The following SGMS1 variants were observed in gnomAD, a reference collection of about 807,000 sequenced individuals.
SGMS1 encodes phosphatidylcholine:ceramide cholinephosphotransferase 1.
SGMS1 carries 13 observed loss-of-function variants against 46.2 expected under a neutral mutation model. The observed-to-expected ratio is 0.28, with a 90% CI of 0.18 to 0.45. SGMS1 has a LOEUF of 0.45. SGMS1 is among the 20% of genes least tolerant of loss of function. SGMS1 has a pLI of 1.00. For missense variants in SGMS1, 324 were observed against 519.9 expected, an observed-to-expected ratio of 0.62 and a Z score of 3.66; for synonymous variants, 203 against 187.8, an observed-to-expected ratio of 1.08 and a Z score of -0.66.
At chr10:50,594,582 A>C (rs1588887193) in intron 1 of SGMS1, among the ~76,000 whole-genome samples, 1 of 152,338 alleles carries the variant, frequency 6.6e-6, no homozygotes, top group Non-Finnish European at 1.5e-5. Flanking sequence ...GTAATTCTAC[A>C]AAAAATTCTC....
At chr10:50,373,768 C>T (rs1848479999) in intron 6 of SGMS1, among the ~76,000 whole-genome samples, 1 of 152,184 alleles carries the variant, frequency 6.6e-6, no homozygotes, top group African/African-American at 2.4e-5. Flanking sequence ...AATCTAGCAC[C>T]TAGAAATACC....
intron 6 of SGMS1, among the ~76,000 whole-genome samples, chr10:50,372,180 A>G (rs1206626492): frequency 6.6e-6 from 1 of 152,214 alleles, no homozygotes; most frequent in African/African-American, 2.4e-5. Flanking sequence ...CAATATAAAT[A>G]CGTTTCATGA....
chr10:50,539,302 C>T (rs925426034), intron 2 of SGMS1, among the ~76,000 whole-genome samples: 21 of 152,248 alleles, frequency 1.4e-4, no homozygotes, highest in South Asian at 2.1e-4. Flanking sequence ...AGGAACAATG[C>T]CCCTTGTTGA....
intron 2 of SGMS1, among the ~76,000 whole-genome samples, chr10:50,546,578 T>C (rs1032742175): frequency 6.6e-6 from 1 of 152,170 alleles, no homozygotes. Flanking sequence ...TGTAGGGACA[T>C]GGATGAAGCT....
chr10:50,613,908 T>A (rs1019551201), intron 1 of SGMS1, among the ~76,000 whole-genome samples: 2 of 152,196 alleles, frequency 1.3e-5, no homozygotes, highest in African/African-American at 2.4e-5. Flanking sequence ...TTGGTACACA[T>A]TGTAGCTATG....
intron 1 of SGMS1, among the ~76,000 whole-genome samples, chr10:50,623,313 G>T (rs1189390027): frequency 6.6e-6 from 1 of 152,148 alleles, no homozygotes; most frequent in South Asian, 2.1e-4. Flanking sequence ...GACCCCGGGC[G>T]GGCTACTGCC....
chr10:50,615,893 T>C (rs1838792125), intron 1 of SGMS1, among the ~76,000 whole-genome samples: 1 of 152,208 alleles, frequency 6.6e-6, no homozygotes, highest in African/African-American at 2.4e-5. Flanking sequence ...AGTTCTCTAA[T>C]TGTTTCTTGC....
chr10:50,334,257 G>A (rs751073791), intron 7 of SGMS1, among the ~76,000 whole-genome samples: 27 of 152,158 alleles, frequency 1.8e-4, no homozygotes, highest in African/African-American at 5.8e-4. Context: ...GTAGACAAAA[G>A]GTGTTAGATT....
At chr10:50,485,818 T>G (rs1199305700) in intron 3 of SGMS1, among the ~76,000 whole-genome samples, 1 of 152,096 alleles carries the variant, frequency 6.6e-6, no homozygotes, top group African/African-American at 2.4e-5. Flanking sequence ...GAGAATCACT[T>G]GAGCCCAGGA....
chr10:50,532,373 T>C (rs1423598220), intron 2 of SGMS1, among the ~76,000 whole-genome samples: 1 of 152,106 alleles, frequency 6.6e-6, no homozygotes, highest in African/African-American at 2.4e-5. Flanking sequence ...CTAGAATAAC[T>C]GGATAAATAA....
chr10:50,441,131 A>G (rs1049832277), intron 5 of SGMS1, among the ~76,000 whole-genome samples: 7 of 152,210 alleles, frequency 4.6e-5, no homozygotes, highest in African/African-American at 1.4e-4. Flanking sequence ...CCTCAGTTTC[A>G]TGCTTTCATT....
chr10:50,415,353 G>C (rs905558521), intron 6 of SGMS1, among the ~76,000 whole-genome samples: 5 of 152,144 alleles, frequency 3.3e-5, no homozygotes, highest in African/African-American at 1.2e-4. Context: ...CGTAAGTTAT[G>C]AATCTAAAGT....
chr10:50,597,092 G>A (rs184639535), intron 1 of SGMS1, among the ~76,000 whole-genome samples: 12 of 152,258 alleles, frequency 7.9e-5, no homozygotes, highest in South Asian at 2.1e-4. Context: ...CATATGCTGC[G>A]GTAGGTGAGC....
At chr10:50,546,525 T>C (rs1437120356) in intron 2 of SGMS1, among the ~76,000 whole-genome samples, 1 of 152,198 alleles carries the variant, frequency 6.6e-6, no homozygotes, top group Admixed American at 6.5e-5. Context: ...ATATACACCA[T>C]GGAATACTAT....
At chr10:50,487,524 A>G (rs1332949707) in intron 3 of SGMS1, among the ~76,000 whole-genome samples, 1 of 152,214 alleles carries the variant, frequency 6.6e-6, no homozygotes. Flanking sequence ...TACTTTCTGT[A>G]TAATTTTTAT....
At chr10:50,336,088 C>G (rs1446158849) in intron 7 of SGMS1, 2 of 152,184 alleles carry the variant, frequency 1.3e-5, no homozygotes, top group African/African-American at 4.8e-5. Flanking sequence ...AATCCATCAT[C>G]TAGCCTTTAG....
At chr10:50,551,732 T>A (rs993748718) in intron 2 of SGMS1, among the ~76,000 whole-genome samples, 8 of 152,074 alleles carry the variant, frequency 5.3e-5, no homozygotes, top group African/African-American at 1.9e-4. Context: ...CCATACCCCA[T>A]ACCCAGGCTT....
At chr10:50,586,492 C>T (rs1424879346) in intron 2 of SGMS1, among the ~76,000 whole-genome samples, 1 of 152,244 alleles carries the variant, frequency 6.6e-6, no homozygotes, top group Non-Finnish European at 1.5e-5. Context: ...CAACTCTTTG[C>T]CCCTCACCTA....
chr10:50,440,532 T>C (rs932271882), intron 5 of SGMS1, among the ~76,000 whole-genome samples: 1 of 152,172 alleles, frequency 6.6e-6, no homozygotes, highest in Non-Finnish European at 1.5e-5. Context: ...TATTGCTAAG[T>C]AATACTAATG....
Sources: gnomAD v4.1 joint callset for allele counts (sites outside exome capture counted in the v4.1 genomes callset) on GRCh38, gnomAD v4.1.1 for gene constraint, MANE v1.5 for transcripts, NCBI Gene and HGNC (gene_info 2026-07-23, HGNC 2026-07-21) for gene names.